TRPM1: variants seen among roughly 807,000 people sequenced by gnomAD.
TRPM1 encodes TRPM1-203 APA Isoform, Intron 10.
Under a neutral mutation model 149.4 loss-of-function variants are expected in TRPM1, and 113 were observed. The ratio of observed to expected loss-of-function variants is 0.76; its 90% CI spans 0.65 to 0.88. The LOEUF (loss-of-function observed/expected upper bound fraction) is 0.88. TRPM1 is among the 40% of genes least tolerant of loss of function. The pLI is 0.00. For synonymous variants in TRPM1, 741 were observed against 759.5 expected (o/e 0.98, Z 0.40); for missense variants, 1,976 against 2,038.7 (o/e 0.97, Z 0.59).
At chr15:31,037,107 C>T (rs528015619) in intron 20 of TRPM1, among the ~76,000 whole-genome samples, 7 of 152,364 alleles carry the variant, frequency 4.6e-5, no homozygotes, top group East Asian at 1.9e-4. Flanking sequence ...GCCATTTCCC[C>T]CAGAGGCGCT....
At chr15:31,108,180 T>A (rs1245677648) in intron 1 of TRPM1, among the ~76,000 whole-genome samples, 1 of 152,168 alleles carries the variant, frequency 6.6e-6, no homozygotes, top group Non-Finnish European at 1.5e-5. Flanking sequence ...TATTATTGAT[T>A]TCTAATTTAA....
At chr15:31,011,332 T>C (rs1213165381) in intron 27 of TRPM1, among the ~76,000 whole-genome samples, 1 of 152,188 alleles carries the variant, frequency 6.6e-6, no homozygotes, top group Non-Finnish European at 1.5e-5. Context: ...CTATATGTTA[T>C]GTCTTTTTTT....
rs150391145 is a variant in TRPM1, at chr15:31,001,473, C to T, written c.*349G>A. Reference sequence around the variant, plus strand: ...ATGAGCCACTGTGCCCAGCTAGTTGCTTACTTCTTAAGTGACCTAATGGTG... The same window carrying T: ...ATGAGCCACTGTGCCCAGCTAGTTGTTTACTTCTTAAGTGACCTAATGGTG... On this transcript the variant is annotated 3_prime_UTR_variant, in exon 28 of 28. Transcript: ENST00000256552. 242 of 275,330 alleles carry T rather than the reference C, an allele frequency of 8.8e-4. 3 individuals carry two copies. Among genetic ancestry groups the T allele is most frequent in the African/African-American group, 4.9e-3 (216 of 44,226 alleles). The allele number at this position is 275,330 out of a possible 1,614,324, so 17.1% of individuals were successfully genotyped here. A position where few individuals can be genotyped will look rare whatever the true frequency, so the allele number is the denominator to read the frequency against.
chr15:31,148,838 C>T (rs943397233), intron 1 of TRPM1, among the ~76,000 whole-genome samples: 1 of 152,174 alleles, frequency 6.6e-6, no homozygotes, highest in African/African-American at 2.4e-5. Flanking sequence ...TCAGTTCTGC[C>T]GTCTGTTAGA....
rs1362073654 is a variant in TRPM1 at position 31,042,028 on chromosome 15, G to A, written c.2010C>T (p.Leu670=). 3.7e-6 allele frequency: 6 copies of A among 1,614,086 alleles called. No individual in the cohort carries two copies. Among genetic ancestry groups the A allele is most frequent in the African/African-American group, 1.3e-5 (1 of 74,926 alleles). ...SMAKALVACK[L]YKAMAHESSE... Reference sequence around the variant, plus strand: ...AGGACTCGTGGGCCATGGCCTTGTAGAGCTTGCAGGCCACCAGGGCCTTGG... The same window carrying A: ...AGGACTCGTGGGCCATGGCCTTGTAAAGCTTGCAGGCCACCAGGGCCTTGG... Residue 670 remains leucine, a synonymous_variant, in exon 17 of 28, where the codon CTC becomes CTT. Transcript: ENST00000256552.
intron 1 of TRPM1, among the ~76,000 whole-genome samples, chr15:31,125,946 C>A (rs1159550215): frequency 6.6e-6 from 1 of 150,950 alleles, no homozygotes; most frequent in Non-Finnish European, 1.5e-5. Flanking sequence ...GCCTGGCCAA[C>A]ATGGTGAAAC....
intron 27 of TRPM1, among the ~76,000 whole-genome samples, chr15:31,022,364 C>T (rs1463489525): frequency 6.6e-6 from 1 of 152,234 alleles, no homozygotes; most frequent in Non-Finnish European, 1.5e-5. Context: ...GACATGGTGG[C>T]CCATGCCTGT....
chr15:31,023,867 C>T (rs986150245), intron 27 of TRPM1, among the ~76,000 whole-genome samples: 1 of 152,128 alleles, frequency 6.6e-6, no homozygotes, highest in African/African-American at 2.4e-5. Context: ...TTGGATCTTA[C>T]AAAATGTTGG....
At position 31,042,141 on chromosome 15, in the gene TRPM1, G is replaced by C. The variant is rs954222464; in HGVS notation, c.1897C>G (p.Pro633Ala). The C allele has an allele frequency of 1.9e-6, 3 of 1,614,182 alleles. No homozygotes were observed. Among genetic ancestry groups the C allele is most frequent in the Non-Finnish European group, 2.5e-6 (3 of 1,180,038 alleles). The change falls in exon 17 of 28, where the codon CCC becomes GCC. Residue 633 changes from proline (P) to alanine (A), a missense_variant. Around this residue, in one of 3 missense-constraint regions of TRPM1, gnomAD observed 1,332 missense variants for 1,347.1 expected, o/e 0.99. Transcript: ENST00000256552. ...GCCCACACCATCAGCTCGTGGAAGG[G>C]ATACTGGAACCGACTCACGGCAGGG... ...DDPAVSRFQY[P>A]FHELMVWAVL...
chr15:31,003,541 G>C (rs1404760134), intron 27 of TRPM1, among the ~76,000 whole-genome samples: 1 of 152,188 alleles, frequency 6.6e-6, no homozygotes, highest in East Asian at 1.9e-4. Context: ...CTCTTAGCTG[G>C]TACATCATGC....
At chr15:31,124,277 T>G (rs1035886633) in intron 1 of TRPM1, among the ~76,000 whole-genome samples, 8 of 150,930 alleles carry the variant, frequency 5.3e-5, no homozygotes, top group African/African-American at 1.7e-4. Context: ...AGAGTGAGAC[T>G]CCGTCTATAA....
At chr15:31,160,943 C>T (rs758060855) in exon 1 of TRPM1, 37 of 1,535,398 alleles carry the variant, frequency 2.4e-5, no homozygotes, top group South Asian at 9.5e-5. Context: ...GAGCGAGCCC[C>T]GCTTGAAGGA....
At chr15:31,038,515 C>A (rs2033502244) in intron 18 of TRPM1, among the ~76,000 whole-genome samples, 1 of 152,186 alleles carries the variant, frequency 6.6e-6, no homozygotes, top group Admixed American at 6.5e-5. Context: ...GAGTTTGAGA[C>A]CAGCCTGGCC....
intron 1 of TRPM1, among the ~76,000 whole-genome samples, chr15:31,124,528 C>T (rs1034759994): frequency 3.3e-5 from 5 of 151,744 alleles, no homozygotes; most frequent in Admixed American, 2.6e-4. Context: ...GTGGTGCACA[C>T]CTGTAATCCC....
chr15:31,052,106 A>C (rs531276290), intron 11 of TRPM1, among the ~76,000 whole-genome samples: 1 of 152,308 alleles, frequency 6.6e-6, no homozygotes, highest in African/African-American at 2.4e-5. Flanking sequence ...GACTCTGCAC[A>C]CCTGCCATGG....
At chr15:31,122,311 T>G (rs981799067) in intron 1 of TRPM1, among the ~76,000 whole-genome samples, 4 of 152,020 alleles carry the variant, frequency 2.6e-5, no homozygotes, top group Non-Finnish European at 5.9e-5. Flanking sequence ...CTTTTCAACA[T>G]CATACTGAAA....
At chr15:31,090,544 G>C (rs1460484469) in intron 1 of TRPM1, among the ~76,000 whole-genome samples, 1 of 152,034 alleles carries the variant, frequency 6.6e-6, no homozygotes, top group Non-Finnish European at 1.5e-5. Flanking sequence ...GGCTGAGGCA[G>C]GAGAATCACC....
chr15:31,042,368 ACATTTC>A, intron 16 of TRPM1, 125 bp from the exon 17 acceptor site: 67 of 940,960 alleles, frequency 7.1e-5, no homozygotes, highest in Middle Eastern at 3.2e-4. Flanking sequence ...AGTACATCTT[ACATTTC>A]CACTCCGCAT....
intron 1 of TRPM1, among the ~76,000 whole-genome samples, chr15:31,096,375 C>T (rs1387810149): frequency 1.3e-5 from 2 of 152,202 alleles, no homozygotes; most frequent in Non-Finnish European, 2.9e-5. Context: ...TAAACAAAAA[C>T]AGGAGAGAGA....
Sources: gnomAD v4.1 joint callset for allele counts (sites outside exome capture counted in the v4.1 genomes callset) on GRCh38, gnomAD v4.1.1 for gene constraint, gnomAD v4.1.1 regional missense constraint, MANE v1.5 for transcripts, NCBI Gene and HGNC (gene_info 2026-07-23, HGNC 2026-07-21) for gene names.